INTS8: variants seen among roughly 807,000 people sequenced by gnomAD.
INTS8 encodes protein kaonashi-1.
In INTS8, 47 loss-of-function variants were observed where a neutral mutation model predicts 138.9. The observed-to-expected ratio is 0.34, with a 90% CI of 0.27 to 0.43. INTS8 has a LOEUF of 0.43. INTS8 is among the 20% of genes least tolerant of loss of function. The probability of loss-of-function intolerance (pLI) is 1.00; values close to 1 mark genes in which losing one functional copy is unlikely to be tolerated. For missense variants in INTS8, 996 were observed against 1,173.0 expected (o/e 0.85, Z 2.20); for synonymous variants, 392 against 400.9 (o/e 0.98, Z 0.27).
intron 23 of INTS8, 156 bp from the exon 24 acceptor site, chr8:94,875,918 G>A (rs374535891): frequency 1.7e-5 from 10 of 597,978 alleles, no homozygotes; most frequent in African/African-American, 3.7e-5. Flanking sequence ...AGACAGACAC[G>A]TGTATAAAGG....
intron 2 of INTS8, 118 bp downstream of exon 2, chr8:94,825,185 C>T: frequency 3.0e-6 from 2 of 664,674 alleles, no homozygotes; most frequent in East Asian, 3.0e-5. Context: ...CCGTGGCTCA[C>T]GCCTATAATA....
chr8:94,876,283 C>A lies in INTS8; in HGVS notation c.2825C>A (p.Thr942Asn). Residue 942 changes from threonine (T) to asparagine (N), a missense_variant and splice_region_variant, in exon 25 of 27, where the codon ACT becomes AAT. By Grantham distance (65) the Thr-to-Asn change is moderately conservative. Transcript: ENST00000523731. ...GATGTTACCATTTTGGAATACTTGA[C>A]TTGTATCCTTTCATCCATGTGTGTG... ...IWDVTILEYL[T>N]YLHHKRGETD... The A allele has an allele frequency of 6.2e-7, 1 of 1,605,088 alleles. No individual in the cohort carries two copies. The highest frequency in any genetic ancestry group is 8.5e-7 in the Non-Finnish European group (1 of 1,172,392).
intron 5 of INTS8, 109 bp downstream of exon 5, chr8:94,829,135 A>T: frequency 1.3e-6 from 1 of 772,128 alleles, no homozygotes. Flanking sequence ...AATTTCCAGG[A>T]AACTGGATGT....
intron 14 of INTS8, 109 bp from the exon 15 acceptor site, chr8:94,856,668 C>T (rs1424161396): frequency 1.0e-5 from 9 of 868,122 alleles, no homozygotes; most frequent in South Asian, 1.5e-5. Context: ...AGAAAAGCAA[C>T]GTTAACCATT....
At chr8:94,845,824 T>C (rs1815313678) in intron 10 of INTS8, among the ~76,000 whole-genome samples, 2 of 152,216 alleles carry the variant, frequency 1.3e-5, no homozygotes, top group South Asian at 4.1e-4. Flanking sequence ...ATCTGTTGGA[T>C]TTTTGTTTGG....
Position 94,876,104 on chromosome 8 carries a change from A to T in INTS8, c.2719A>T (p.Ile907Phe). The T allele has an allele frequency of 6.2e-7, 1 of 1,611,096 alleles. No homozygotes were observed. Among genetic ancestry groups the T allele is most frequent in the Non-Finnish European group, 8.5e-7 (1 of 1,177,532 alleles). ...CATTTTATGTCAGTTCCTCAGAGAAATTGACTACAAAACAGCGTTTAAATC... is the reference window on the plus strand; with the variant it reads ...CATTTTATGTCAGTTCCTCAGAGAATTTGACTACAAAACAGCGTTTAAATC... ...VAILCQFLRE[I>F]DYKTAFKSLQ... is the part of the protein sequence containing the mutation. Residue 907 changes from isoleucine (I) to phenylalanine (F), a missense_variant, in exon 24 of 27, where the codon ATT becomes TTT. Ile to Phe is a conservative substitution (Grantham distance 21, BLOSUM62 0). Coordinates refer to ENST00000523731, the MANE Select transcript of INTS8 (RefSeq NM_017864.4).
intron 20 of INTS8, among the ~76,000 whole-genome samples, chr8:94,871,034 C>G (rs1816377445): frequency 6.6e-6 from 1 of 152,112 alleles, no homozygotes; most frequent in Non-Finnish European, 1.5e-5. Flanking sequence ...GCCCCTGACC[C>G]CATTAGGCCC....
intron 20 of INTS8, among the ~76,000 whole-genome samples, chr8:94,870,201 A>G (rs890549133): frequency 1.2e-4 from 18 of 151,902 alleles, no homozygotes; most frequent in South Asian, 4.2e-4. Flanking sequence ...ACAGGCGCCC[A>G]CCACCATGCC....
At position 94,851,657 on chromosome 8, in the gene INTS8, G is replaced by C; in HGVS notation, c.1612G>C (p.Glu538Gln). ...AATTGAATTACATGGTATGACTTCA[G>C]AGCGCCAGTTCTGGACAGTGTCTAA... ...ILIELHGMTS[E>Q]RQFWTVSNKW... The change falls in exon 13 of 27, where the codon GAG becomes CAG. Residue 538 changes from glutamate to glutamine, a missense_variant. Coordinates refer to ENST00000523731, the MANE Select transcript of INTS8 (RefSeq NM_017864.4). 1 of 1,603,078 alleles carries C rather than the reference G, an allele frequency of 6.2e-7. No individual in the cohort carries two copies. The highest frequency in any genetic ancestry group is 8.5e-7 in the Non-Finnish European group (1 of 1,176,416).
At chr8:94,850,132 T>A in intron 12 of INTS8, 41 bp downstream of exon 12, 2 of 1,394,802 alleles carry the variant, frequency 1.4e-6, no homozygotes, top group Admixed American at 4.1e-5. Context: ...TGGCATGTTT[T>A]GCCCCTCTAT....
rs1816567702 is a variant in INTS8, at chr8:94,876,455, A to G, written c.2837A>G (p.His946Arg). Residue 946 changes from histidine (H) to arginine (R), a missense_variant, in exon 26 of 27, where the codon CAT becomes CGT. Physicochemically the swap from His to Arg is conservative, Grantham distance 29 (BLOSUM62 0). Transcript: ENST00000523731. ...TTAACTGATTCATTAGATCTTCATCATAAAAGAGGAGAAACAGATAAAAGA... is the reference window on the plus strand; with the variant it reads ...TTAACTGATTCATTAGATCTTCATCGTAAAAGAGGAGAAACAGATAAAAGA... ...TILEYLTYLH[H>R]KRGETDKRQI... 9 of 1,549,302 alleles carry G rather than the reference A, an allele frequency of 5.8e-6. No individual in the cohort carries two copies. The East Asian group carries it at 6.8e-5, about 12-fold the overall frequency.
intron 7 of INTS8, among the ~76,000 whole-genome samples, chr8:94,838,155 C>G (rs1338145501): frequency 6.6e-6 from 1 of 151,712 alleles, no homozygotes; most frequent in Non-Finnish European, 1.5e-5. Flanking sequence ...GGGCTCAAGC[C>G]ATTCTCCTAC....
At chr8:94,838,070 G>A (rs1376057935) in intron 7 of INTS8, among the ~76,000 whole-genome samples, 2 of 145,820 alleles carry the variant, frequency 1.4e-5, no homozygotes, top group Admixed American at 1.4e-4. Flanking sequence ...TTCCTGGGAC[G>A]GAGTCTCGCT....
At chr8:94,825,471 A>C (rs187454790) in intron 2 of INTS8, among the ~76,000 whole-genome samples, 1 of 151,826 alleles carries the variant, frequency 6.6e-6, no homozygotes, top group East Asian at 1.9e-4. Flanking sequence ...TATTCTTGAT[A>C]AAATATGCAA....
intron 11 of INTS8, 80 bp from the exon 12 acceptor site, chr8:94,849,836 A>G (rs1409943091): frequency 3.8e-6 from 4 of 1,041,964 alleles, no homozygotes; most frequent in Non-Finnish European, 4.2e-6. Context: ...TAAATGGCTT[A>G]TTAAAATTGG....
chr8:94,833,447 G>A (rs1353580976), intron 6 of INTS8, among the ~76,000 whole-genome samples: 1 of 151,488 alleles, frequency 6.6e-6, no homozygotes, highest in African/African-American at 2.4e-5. Flanking sequence ...CGGAACTCCT[G>A]GGCTCAAGGG....
intron 5 of INTS8, among the ~76,000 whole-genome samples, chr8:94,831,530 G>A (rs1161159142): frequency 1.4e-5 from 2 of 139,080 alleles, no homozygotes; most frequent in South Asian, 2.3e-4. Context: ...CACCCAGGCC[G>A]GAGTGCAGTG....
chr8:94,840,674 C>T (rs527667676), intron 8 of INTS8, among the ~76,000 whole-genome samples: 2 of 150,986 alleles, frequency 1.3e-5, no homozygotes, highest in South Asian at 4.2e-4. Context: ...TCTTCTGCCT[C>T]AGCCTCCCGA....
intron 12 of INTS8, 35 bp downstream of exon 12, chr8:94,850,126 A>G (rs761322291): frequency 4.1e-6 from 6 of 1,462,890 alleles, no homozygotes; most frequent in East Asian, 2.4e-5. Context: ...AAATGTTGGC[A>G]TGTTTTGCCC....
Sources: allele counts gnomAD v4.1 joint callset (sites outside exome capture counted in the v4.1 genomes callset), GRCh38; gene constraint gnomAD v4.1.1; transcripts MANE v1.5; gene names NCBI Gene and HGNC (gene_info 2026-07-23, HGNC 2026-07-21).